The following PRKAG2 variants were observed in gnomAD, a reference collection of about 807,000 sequenced individuals.
PRKAG2 encodes 5'-AMP-activated protein kinase subunit gamma-2.
In PRKAG2, 26 loss-of-function variants were observed where a neutral mutation model predicts 69.6. The ratio of observed to expected loss-of-function variants is 0.37; its 90% CI spans 0.27 to 0.52. The LOEUF is 0.52. Ranked by LOEUF, PRKAG2 falls within the 20% of genes least tolerant of loss-of-function variation. PRKAG2 has a pLI of 0.90. For missense variants in PRKAG2, 557 were observed against 740.0 expected, an observed-to-expected ratio of 0.75 and a Z score of 2.87; for synonymous variants, 293 against 285.0, an observed-to-expected ratio of 1.03 and a Z score of -0.28.
Position 151,874,070 on chromosome 7 carries a change from G to GATGTAT in PRKAG2, c.114+2431_114+2436dup, listed in dbSNP as rs372091421. 4.6e-5 allele frequency among the ~76,000 whole-genome samples: 6 copies of GATGTAT among 129,852 alleles called. No homozygotes were observed. In the East Asian group the frequency reaches 6.3e-4, roughly 14 times the overall value. 85.2% of individuals were successfully genotyped at this position (129,852 alleles called of 152,430 possible). On this transcript the variant is annotated intron_variant, in intron 1 of 15. Coordinates refer to ENST00000287878, the MANE Select transcript of PRKAG2 (RefSeq NM_016203.4). ...TATGTATGTATATGTATATGTATAT[G>GATGTAT]ATGTATATGTATATGTATATGATGT...
chr7:151,796,775 C>T (rs1408700045), intron 1 of PRKAG2, among the ~76,000 whole-genome samples: 2 of 152,080 alleles, frequency 1.3e-5, no homozygotes, highest in Admixed American at 6.5e-5. Context: ...TGACTGAGGA[C>T]GGCCCGGGGG....
chr7:151,779,796 C>A (rs1246823247), intron 3 of PRKAG2, among the ~76,000 whole-genome samples: 2 of 152,214 alleles, frequency 1.3e-5, no homozygotes, highest in African/African-American at 4.8e-5. Context: ...TTCTCTTTGA[C>A]AAATCCCACC....
intron 1 of PRKAG2, among the ~76,000 whole-genome samples, chr7:151,833,738 G>A (rs2079088342): frequency 6.6e-6 from 1 of 152,238 alleles, no homozygotes; most frequent in Admixed American, 6.5e-5. Flanking sequence ...GGGGCAAAGG[G>A]GAGGTTGGCA....
chr7:151,847,553 C>G (rs937483038), intron 1 of PRKAG2, among the ~76,000 whole-genome samples: 2 of 152,154 alleles, frequency 1.3e-5, no homozygotes, highest in African/African-American at 4.8e-5. Flanking sequence ...GGCTGTACCC[C>G]CTGGCCTTCC....
At chr7:151,749,647 G>T (rs2074531540) in intron 3 of PRKAG2, among the ~76,000 whole-genome samples, 1 of 152,114 alleles carries the variant, frequency 6.6e-6, no homozygotes. Context: ...AAAATGAGCA[G>T]CTGCCTTGAT....
intron 1 of PRKAG2, among the ~76,000 whole-genome samples, chr7:151,871,236 A>C (rs2080213843): frequency 6.6e-6 from 1 of 152,226 alleles, no homozygotes; most frequent in Non-Finnish European, 1.5e-5. Context: ...TTGCTACCAA[A>C]GTCTCGGCAG....
At chr7:151,739,719 C>T (rs1368737758) in intron 3 of PRKAG2, among the ~76,000 whole-genome samples, 1 of 152,162 alleles carries the variant, frequency 6.6e-6, no homozygotes, top group Non-Finnish European at 1.5e-5. Flanking sequence ...GATCCACCCG[C>T]CTTGGCCTCC....
At position 151,636,249 on chromosome 7, in the gene PRKAG2, A is replaced by G. The variant is rs1352226020; in HGVS notation, c.685-4111T>C. Among the ~76,000 whole-genome samples, 4 of 152,140 alleles carry G rather than the reference A, an allele frequency of 2.6e-5. No homozygotes were observed. The East Asian group carries it at 5.8e-4, about 22-fold the overall frequency. On this transcript the variant is annotated intron_variant, in intron 4 of 15. Coordinates refer to ENST00000287878, the MANE Select transcript of PRKAG2 (RefSeq NM_016203.4). Reference sequence around the variant, plus strand: ...TTTTTGGAATATTCAGAATTGTGCAACTATCTAAGTTTACATTTTCATCAT... The same window carrying G: ...TTTTTGGAATATTCAGAATTGTGCAGCTATCTAAGTTTACATTTTCATCAT...
Position 151,807,075 on chromosome 7 carries a change from T to C in PRKAG2, c.115-20534A>G, listed in dbSNP as rs2078147471. ...CCACCCTCAAGTCTGAAGGTGGAGG[T>C]GGGGAAGGGCAGAGGCTGTAAAGGG... On this transcript the variant is annotated intron_variant, in intron 1 of 15. Transcript: ENST00000287878. This position sits in a 1 kb window ranked among gnomAD's most constrained non-coding sequence, Gnocchi z 4.4. 3 of 426,566 alleles carry C rather than the reference T, an allele frequency of 7.0e-6. No individual in the cohort carries two copies. The highest frequency in any genetic ancestry group is 1.4e-5 in the Non-Finnish European group (3 of 215,192). The allele number at this position is 426,566 out of a possible 1,614,324, so 26.4% of individuals were successfully genotyped here.
At chr7:151,673,784 A>C (rs893799416) in intron 4 of PRKAG2, among the ~76,000 whole-genome samples, 71 of 150,908 alleles carry the variant, frequency 4.7e-4, no homozygotes, top group African/African-American at 1.7e-3. Flanking sequence ...GTCTTTGTAG[A>C]TATAATCAGG....
intron 3 of PRKAG2, among the ~76,000 whole-genome samples, chr7:151,726,144 C>T (rs1403122665): frequency 6.6e-6 from 1 of 152,094 alleles, no homozygotes; most frequent in African/African-American, 2.4e-5. Flanking sequence ...CTAAGTCCTG[C>T]TAGTGGGGAA....
Position 151,773,290 on chromosome 7 carries a change from C to A in PRKAG2, c.466+7862G>T, listed in dbSNP as rs1450583712. Reference sequence around the variant, plus strand: ...AGAGAAAGAAAGAGAGAGAAATGACCAAGGAGCCACTTTTATCTATTTTTT... The same window carrying A: ...AGAGAAAGAAAGAGAGAGAAATGACAAAGGAGCCACTTTTATCTATTTTTT... On this transcript the variant is annotated intron_variant, in intron 3 of 15. Coordinates refer to ENST00000287878, the MANE Select transcript of PRKAG2 (RefSeq NM_016203.4). Among the ~76,000 whole-genome samples the A allele has an allele frequency of 4.6e-5, 7 of 152,020 alleles. No individual in the cohort carries two copies. In the South Asian group the frequency reaches 1.5e-3, roughly 32 times the overall value.
At chr7:151,573,333 G>GTTTTTTTTTTT (rs57854174) in intron 8 of PRKAG2, among the ~76,000 whole-genome samples, 1 of 82,836 alleles carries the variant, frequency 1.2e-5, no homozygotes, top group Non-Finnish European at 2.1e-5. Context: ...ATTTTTGTGG[G>GTTTTTTTTTTT]TTTTTTTTTT....
chr7:151,730,685 G>A (rs746743412), intron 3 of PRKAG2, among the ~76,000 whole-genome samples: 9 of 152,112 alleles, frequency 5.9e-5, no homozygotes, highest in African/African-American at 1.2e-4. Context: ...GGATGGGGGC[G>A]GGAGAGACCA....
intron 1 of PRKAG2, among the ~76,000 whole-genome samples, chr7:151,841,038 A>G (rs11773789): frequency 0.64 from 97,334 of 151,958 alleles, 31,329 homozygotes; most frequent in Middle Eastern, 0.75. Context: ...ACCCAGCCTG[A>G]AGTGCAGTGG....
intron 3 of PRKAG2, among the ~76,000 whole-genome samples, chr7:151,741,755 A>G (rs111507825): frequency 7.2e-5 from 11 of 152,270 alleles, no homozygotes; most frequent in African/African-American, 2.4e-4. Context: ...ATAACCAGCA[A>G]CTTAGGCAGG....
chr7:151,801,974 G>A (rs1156338176), intron 1 of PRKAG2, among the ~76,000 whole-genome samples: 2 of 152,220 alleles, frequency 1.3e-5, no homozygotes, highest in Admixed American at 6.5e-5. Context: ...TCCCTGACTC[G>A]TGTCCTGTGT....
intron 1 of PRKAG2, among the ~76,000 whole-genome samples, chr7:151,866,308 C>T (rs974065887): frequency 1.3e-5 from 2 of 152,320 alleles, no homozygotes; most frequent in African/African-American, 2.4e-5. Context: ...ATATCAAAAA[C>T]CTGACAAGAC....
At chr7:151,775,423 G>A (rs1382452340) in intron 3 of PRKAG2, among the ~76,000 whole-genome samples, 1 of 152,250 alleles carries the variant, frequency 6.6e-6, no homozygotes, top group South Asian at 2.1e-4. Context: ...CTCAGGGCCA[G>A]TCTGGTTCCT....
Sources: gnomAD v4.1 joint callset for allele counts (sites outside exome capture counted in the v4.1 genomes callset) on GRCh38, gnomAD v4.1.1 for gene constraint, Gnocchi (gnomAD v3.1) non-coding constraint, MANE v1.5 for transcripts, NCBI Gene and HGNC (gene_info 2026-07-23, HGNC 2026-07-21) for gene names.